ROBO1: variants seen among roughly 807,000 people sequenced by gnomAD.
The protein encoded by ROBO1 is roundabout guidance receptor 1.
A neutral mutation model predicts 195.9 loss-of-function variants in ROBO1; 149 were observed. The ratio of observed to expected loss-of-function variants is 0.76; its 90% CI spans 0.67 to 0.87. The LOEUF (loss-of-function observed/expected upper bound fraction) is 0.87. Among genes scored for constraint, ROBO1 ranks in the 40% least tolerant of loss-of-function variants. The pLI is 0.00. For missense variants in ROBO1, 1,933 were observed against 2,068.3 expected (o/e 0.93, Z 1.27); for synonymous variants, 816 against 733.2 (o/e 1.11, Z -1.82).
At chr3:78,837,266 A>G (rs559498907) in intron 4 of ROBO1, among the ~76,000 whole-genome samples, 2 of 152,292 alleles carry the variant, frequency 1.3e-5, no homozygotes, top group South Asian at 4.1e-4. Context: ...AAGAAAAGGT[A>G]TTGGTGGTTT....
intron 14 of ROBO1, among the ~76,000 whole-genome samples, chr3:78,665,731 T>C (rs929253608): frequency 2.6e-5 from 4 of 152,164 alleles, no homozygotes; most frequent in African/African-American, 9.6e-5. Flanking sequence ...GGAATGGGTA[T>C]GTTTAGCCCC....
At chr3:78,881,079 G>C (rs2036150629) in intron 4 of ROBO1, among the ~76,000 whole-genome samples, 4 of 152,154 alleles carry the variant, frequency 2.6e-5, no homozygotes, top group Admixed American at 6.5e-5. Context: ...ACAGATGCGG[G>C]GATGCTGCTT....
At chr3:78,886,133 T>C (rs1160833428) in intron 4 of ROBO1, among the ~76,000 whole-genome samples, 1 of 151,650 alleles carries the variant, frequency 6.6e-6, no homozygotes, top group Non-Finnish European at 1.5e-5. Context: ...TTTCCTACAA[T>C]AAAGAGTTAA....
At chr3:78,881,237 G>A (rs985607410) in intron 4 of ROBO1, among the ~76,000 whole-genome samples, 3 of 152,150 alleles carry the variant, frequency 2.0e-5, no homozygotes, top group Non-Finnish European at 2.9e-5. Context: ...AGAAGAGACT[G>A]CTGGAAATTT....
At chr3:78,611,634 G>C (rs144231777) in intron 28 of ROBO1, among the ~76,000 whole-genome samples, 1 of 152,194 alleles carries the variant, frequency 6.6e-6, no homozygotes, top group South Asian at 2.1e-4. Context: ...CCACAATGCC[G>C]GGTGTCAGGG....
chr3:79,629,705 G>A (rs1945282811), intron 1 of ROBO1, among the ~76,000 whole-genome samples: 2 of 151,810 alleles, frequency 1.3e-5, no homozygotes, highest in African/African-American at 4.8e-5. Flanking sequence ...ACACAAAGTT[G>A]TTCATTTGAA....
chr3:78,613,063 C>A (rs1469694646), intron 28 of ROBO1, among the ~76,000 whole-genome samples: 1 of 152,114 alleles, frequency 6.6e-6, no homozygotes, highest in Non-Finnish European at 1.5e-5. Context: ...ACAATAAATA[C>A]AGACAATTTT....
chr3:78,911,472 A>T (rs1281812204), intron 4 of ROBO1, among the ~76,000 whole-genome samples: 1 of 152,010 alleles, frequency 6.6e-6, no homozygotes, highest in Non-Finnish European at 1.5e-5. Flanking sequence ...ATTCAGAGTT[A>T]CTTTGTGACT....
At chr3:79,575,189 T>TATATAAATATATATAAC (rs1943420930) in intron 2 of ROBO1, among the ~76,000 whole-genome samples, 2 of 122,646 alleles carry the variant, frequency 1.6e-5, no homozygotes, top group African/African-American at 6.4e-5. Context: ...ATATAACATA[T>TATATAAATATATATAAC]ATATAAATAT....
chr3:79,365,441 G>C (rs2035934258), intron 2 of ROBO1, among the ~76,000 whole-genome samples: 1 of 152,124 alleles, frequency 6.6e-6, no homozygotes, highest in South Asian at 2.1e-4. Context: ...TTGCTACTTA[G>C]TCAGAAATCT....
intron 4 of ROBO1, among the ~76,000 whole-genome samples, chr3:78,767,150 G>A (rs573403384): frequency 6.6e-6 from 1 of 151,940 alleles, no homozygotes; most frequent in Non-Finnish European, 1.5e-5. Flanking sequence ...ATTAGGGAGG[G>A]TTCCTTCTTT....
intron 1 of ROBO1, among the ~76,000 whole-genome samples, chr3:79,755,855 A>G (rs753032385): frequency 8.5e-5 from 13 of 152,266 alleles, no homozygotes; most frequent in Middle Eastern, 3.4e-3. Flanking sequence ...ATCCCATTTG[A>G]TCATATTAGT....
At chr3:79,765,243 G>A (rs990428953) in intron 1 of ROBO1, among the ~76,000 whole-genome samples, 2 of 152,120 alleles carry the variant, frequency 1.3e-5, no homozygotes, top group South Asian at 2.1e-4. Flanking sequence ...TCCAAAAACC[G>A]TGGCAACAAT....
chr3:78,896,413 G>T (rs1051096736), intron 4 of ROBO1, among the ~76,000 whole-genome samples: 1 of 151,800 alleles, frequency 6.6e-6, no homozygotes, highest in African/African-American at 2.4e-5. Flanking sequence ...ATTTGCTTCT[G>T]CCCCACCCTA....
At chr3:79,705,862 T>C (rs1947754437) in intron 1 of ROBO1, among the ~76,000 whole-genome samples, 1 of 152,134 alleles carries the variant, frequency 6.6e-6, no homozygotes, top group Non-Finnish European at 1.5e-5. Context: ...AGTTTTGTAG[T>C]TTTCATCATA....
intron 1 of ROBO1, among the ~76,000 whole-genome samples, chr3:79,689,742 T>C (rs965018580): frequency 6.6e-6 from 1 of 152,086 alleles, no homozygotes; most frequent in Non-Finnish European, 1.5e-5. Context: ...CTTTCCCCAG[T>C]ATAGTGTTAT....
chr3:78,999,960 CA>C (rs1210925527), intron 3 of ROBO1, among the ~76,000 whole-genome samples: 1 of 152,108 alleles, frequency 6.6e-6, no homozygotes. Flanking sequence ...TCCCTTCTTG[CA>C]CTTCTATTAC....
chr3:79,532,177 A>G (rs1236133989), intron 2 of ROBO1, among the ~76,000 whole-genome samples: 1 of 152,130 alleles, frequency 6.6e-6, no homozygotes, highest in Non-Finnish European at 1.5e-5. Flanking sequence ...TTTTTCAGGG[A>G]TTTTTGATTT....
At chr3:78,853,964 C>T (rs1170964272) in intron 4 of ROBO1, among the ~76,000 whole-genome samples, 3 of 152,028 alleles carry the variant, frequency 2.0e-5, no homozygotes, top group African/African-American at 7.2e-5. Context: ...TATCTCCCAC[C>T]AGATCCTTCC....
Sources: allele counts gnomAD v4.1 joint callset (sites outside exome capture counted in the v4.1 genomes callset), GRCh38; gene constraint gnomAD v4.1.1; transcripts MANE v1.5; gene names NCBI Gene and HGNC (gene_info 2026-07-23, HGNC 2026-07-21).